Variants in DAB1 observed in about 807,000 individuals in gnomAD.
The protein encoded by DAB1 is disabled homolog 1.
In DAB1, 15 loss-of-function variants were observed where a neutral mutation model predicts 64.6. That is an observed-to-expected ratio of 0.23 (90% CI 0.16 to 0.36). DAB1 has a LOEUF of 0.36. Ranked by LOEUF, DAB1 falls within the 10% of genes least tolerant of loss-of-function variation. The pLI is 1.00. For missense variants in DAB1, 596 were observed against 706.7 expected (o/e 0.84, Z 1.78); for synonymous variants, 235 against 251.9 (o/e 0.93, Z 0.64).
intron 1 of DAB1, among the ~76,000 whole-genome samples, chr1:57,834,163 A>AGT (rs1276357016): frequency 6.6e-6 from 1 of 152,264 alleles, no homozygotes; most frequent in Non-Finnish European, 1.5e-5. Flanking sequence ...ATAGTCATGC[A>AGT]GTGATTTCAG....
chr1:57,176,964 A>G (rs1305296361), intron 2 of DAB1, among the ~76,000 whole-genome samples: 2 of 127,282 alleles, frequency 1.6e-5, no homozygotes, highest in Non-Finnish European at 1.6e-5. Flanking sequence ...AAGAAGCAGC[A>G]GCAGATATAA....
chr1:57,193,222 C>T (rs1290313857), intron 2 of DAB1, among the ~76,000 whole-genome samples: 1 of 151,868 alleles, frequency 6.6e-6, no homozygotes. Context: ...CTCTCCACCA[C>T]CCACCCCACC....
At chr1:57,284,633 T>A (rs905226031) in intron 2 of DAB1, among the ~76,000 whole-genome samples, 1 of 152,254 alleles carries the variant, frequency 6.6e-6, no homozygotes, top group African/African-American at 2.4e-5. Context: ...AAGAGCAGCA[T>A]ATAGAAGCAA....
At chr1:57,828,423 T>G (rs1406015493) in intron 1 of DAB1, among the ~76,000 whole-genome samples, 1 of 152,196 alleles carries the variant, frequency 6.6e-6, no homozygotes, top group African/African-American at 2.4e-5. Context: ...CCACCCCACC[T>G]CCTGCTGCAG....
At chr1:58,088,546 G>C (rs954866278) in intron 5 of DAB1, among the ~76,000 whole-genome samples, 1 of 152,082 alleles carries the variant, frequency 6.6e-6, no homozygotes, top group Non-Finnish European at 1.5e-5. Context: ...ATCTTGGTTT[G>C]GAAAACAGGA....
chr1:57,827,805 A>G (rs1373536874), intron 1 of DAB1, among the ~76,000 whole-genome samples: 2 of 152,156 alleles, frequency 1.3e-5, no homozygotes, highest in African/African-American at 4.8e-5. Context: ...GGGGCAGGGA[A>G]AGAGTAGGAA....
intron 1 of DAB1, among the ~76,000 whole-genome samples, chr1:57,338,367 C>T (rs1466671382): frequency 6.6e-6 from 1 of 152,092 alleles, no homozygotes; most frequent in African/African-American, 2.4e-5. Context: ...CCCTGAAAAA[C>T]CTAAATCCTT....
At chr1:58,268,772 T>C (rs766943930) in intron 4 of DAB1, among the ~76,000 whole-genome samples, 13 of 152,114 alleles carry the variant, frequency 8.5e-5, no homozygotes, top group Non-Finnish European at 1.8e-4. Flanking sequence ...CATCCTAAAA[T>C]TTTTACGAAA....
chr1:58,237,390 T>C lies in DAB1; in HGVS notation n.310-86802A>G, dbSNP rs142264995. Among the ~76,000 whole-genome samples the C allele has an allele frequency of 3.7e-4, 57 of 152,314 alleles. 1 individual carries two copies. The East Asian group carries it at 0.01, about 28-fold the overall frequency. On this transcript the variant is annotated intron_variant and non_coding_transcript_variant, in intron 4 of 20. Transcript: ENST00000485760. The stretch of plus-strand genomic sequence containing the variant: ...CTGATTTTTGACATCAACTTGAAGC[T>C]CCTACTGTGTTAACATTGCACAGGC...
intron 1 of DAB1, among the ~76,000 whole-genome samples, chr1:58,543,473 C>T (rs959034872): frequency 5.9e-5 from 9 of 152,146 alleles, no homozygotes; most frequent in Admixed American, 2.0e-4. Flanking sequence ...TCATTCTAGC[C>T]TTTCCTGGGC....
intron 1 of DAB1, among the ~76,000 whole-genome samples, chr1:57,321,916 G>T (rs1054112498): frequency 6.6e-6 from 1 of 152,106 alleles, no homozygotes; most frequent in Non-Finnish European, 1.5e-5. Flanking sequence ...GTCTCTGCTA[G>T]AACATTTCCA....
At chr1:57,156,654 T>C (rs1470028621) in intron 2 of DAB1, among the ~76,000 whole-genome samples, 1 of 152,242 alleles carries the variant, frequency 6.6e-6, no homozygotes, top group Non-Finnish European at 1.5e-5. Context: ...ATGATTCATT[T>C]AGTCCTCAAG....
chr1:57,558,350 G>A (rs796836069), intron 7 of DAB1, among the ~76,000 whole-genome samples: 9 of 152,226 alleles, frequency 5.9e-5, no homozygotes, highest in African/African-American at 1.9e-4. Context: ...TTCTCCTCAG[G>A]AGCCACCCAC....
chr1:57,033,524 G>C, intron 9 of DAB1: 1 of 1,612,768 alleles, frequency 6.2e-7, no homozygotes, highest in East Asian at 2.2e-5. Context: ...AATTCTTACC[G>C]GGGTGGCTGC....
At chr1:57,656,397 A>G (rs1285956426) in intron 6 of DAB1, among the ~76,000 whole-genome samples, 1 of 152,252 alleles carries the variant, frequency 6.6e-6, no homozygotes, top group Non-Finnish European at 1.5e-5. Context: ...CAACACATAT[A>G]CTAAAAGAGT....
chr1:57,811,238 A>C (rs956758165), intron 6 of DAB1, among the ~76,000 whole-genome samples: 1 of 152,222 alleles, frequency 6.6e-6, no homozygotes, highest in Non-Finnish European at 1.5e-5. Flanking sequence ...ATCTCACGTC[A>C]AATTGTAATC....
intron 7 of DAB1, among the ~76,000 whole-genome samples, chr1:57,487,377 G>A (rs904589827): frequency 2.6e-5 from 4 of 152,188 alleles, no homozygotes; most frequent in South Asian, 2.1e-4. Flanking sequence ...CTGGCTGTGA[G>A]AACAACTGTG....
rs572294331 is a variant in DAB1 at position 57,725,461 on chromosome 1, C to G, written n.552-75796G>C. On this transcript the variant is annotated intron_variant and non_coding_transcript_variant, in intron 6 of 20. Transcript: ENST00000485760. ...CATACCTGCCTTCCCCTGACCTTCC[C>G]CTTCAGAGATACTACTTATACTCGG... is the stretch of plus-strand genomic sequence containing the variant. Among the ~76,000 whole-genome samples the G allele has an allele frequency of 2.7e-5, 4 of 149,206 alleles. No individual in the cohort carries two copies. The East Asian group carries it at 7.8e-4, about 29-fold the overall frequency.
intron 1 of DAB1, chr1:57,306,904 A>G (rs920617432): frequency 6.6e-6 from 1 of 152,174 alleles, no homozygotes; most frequent in Non-Finnish European, 1.5e-5. Flanking sequence ...CTGACATTTC[A>G]TCATTAACTC....
Sources: allele counts gnomAD v4.1 joint callset (sites outside exome capture counted in the v4.1 genomes callset), GRCh38; gene constraint gnomAD v4.1.1; transcripts MANE v1.5; gene names NCBI Gene and HGNC (gene_info 2026-07-23, HGNC 2026-07-21).